The following GALNT5 variants were observed in gnomAD, a reference collection of about 807,000 sequenced individuals.
GALNT5 encodes the protein UDP-GalNAc:polypeptide N-acetylgalactosaminyltransferase 5.
GALNT5 carries 72 observed loss-of-function variants against 85.4 expected under a neutral mutation model. That is an observed-to-expected ratio of 0.84 (90% CI 0.70 to 1.03). The LOEUF (loss-of-function observed/expected upper bound fraction) is 1.03. Among genes scored for constraint, GALNT5 ranks in the 50% least tolerant of loss-of-function variants. The pLI is 0.00. For synonymous variants in GALNT5, 404 were observed against 397.0 expected, an observed-to-expected ratio of 1.02 and a Z score of -0.21; for missense variants, 1,137 against 1,135.5, an observed-to-expected ratio of 1.00 and a Z score of -0.02.
At chr2:157,299,235 C>T (rs1279190465) in intron 5 of GALNT5, 1 of 194,654 alleles carries the variant, frequency 5.1e-6, no homozygotes, top group Non-Finnish European at 1.1e-5. Flanking sequence ...ATAATACTTA[C>T]AATAGTGCCT....
intron 7 of GALNT5, chr2:157,302,472 C>G (rs960166547): frequency 1.3e-5 from 2 of 151,752 alleles, no homozygotes; most frequent in Non-Finnish European, 2.9e-5. Context: ...TTAAGTGGCT[C>G]AACCTGGTAA....
chr2:157,299,557 C>T lies in GALNT5; in HGVS notation c.2007C>T (p.Val669=), dbSNP rs1247824333. The T allele has an allele frequency of 6.2e-7, 1 of 1,603,846 alleles. No homozygotes were observed. Among genetic ancestry groups the T allele is most frequent in the Admixed American group, 1.7e-5 (1 of 59,702 alleles). The change falls in exon 6 of 10, where the codon GTC becomes GTT. Residue 669 remains valine, a synonymous_variant. Coordinates refer to ENST00000259056, the MANE Select transcript of GALNT5 (RefSeq NM_014568.3). ...IKETDTIRCP[V]MAGGLFSIDK... ...ACTTTTCTTTTTGTAGGTGCCCTGT[C>T]ATGGCTGGTGGATTGTTTTCTATTG...
Position 157,286,143 on chromosome 2 carries a change from T to C in GALNT5, c.1741+9T>C, listed in dbSNP as rs892217452. The stretch of plus-strand genomic sequence containing the variant: ...AGCACAGAATGCAACAGGTAAGAAG[T>C]TACTCATTTTTTTGTTTGTTACATT... On this transcript the variant is annotated intron_variant, in intron 3 of 9. Transcript: ENST00000259056. 6.2e-7 allele frequency: 1 copy of C among 1,600,482 alleles called. No homozygotes were observed. Among genetic ancestry groups the C allele is most frequent in the Admixed American group, 1.8e-5 (1 of 56,734 alleles).
chr2:157,258,245 A>G lies in GALNT5; in HGVS notation c.163A>G (p.Ile55Val). Residue 55 changes from isoleucine to valine, a missense_variant, in exon 1 of 10, where the codon ATA becomes GTA. By Grantham distance (29) the Ile-to-Val change is conservative. Coordinates refer to ENST00000259056, the MANE Select transcript of GALNT5 (RefSeq NM_014568.3). The stretch of plus-strand genomic sequence containing the variant: ...GGAAGACATTGTGAGGAGGGAGCGG[A>G]TAGGATTCAGAGTTCAGCCAGACCA... ...IKEDIVRRER[I>V]GFRVQPDQGK... is the part of the protein sequence containing the mutation. The G allele has an allele frequency of 3.1e-6, 5 of 1,612,632 alleles. No homozygotes were observed. The highest frequency in any genetic ancestry group is 4.2e-6 in the Non-Finnish European group (5 of 1,179,464).
In GALNT5 at chr2:157,308,645, G is replaced by A. The variant is rs879891376; in HGVS notation, c.2599G>A (p.Ala867Thr). The part of the protein sequence containing the change: ...WCIAPIPDKG[A>T]VRLHPCDNRN... ...TATAGCCCCCATCCCTGATAAAGGA[G>A]CCGTAAGGCTGCACCCTTGTGATAA... Residue 867 changes from alanine to threonine, a missense_variant, in exon 9 of 10, where the codon GCC becomes ACC. Transcript: ENST00000259056. 1 of 1,613,562 alleles carries A rather than the reference G, an allele frequency of 6.2e-7. No homozygotes were observed. Among genetic ancestry groups the A allele is most frequent in the Non-Finnish European group, 8.5e-7 (1 of 1,179,622 alleles).
intron 7 of GALNT5, 151 bp from the exon 8 acceptor site, chr2:157,305,598 C>A: frequency 1.7e-6 from 1 of 573,972 alleles, no homozygotes; most frequent in Non-Finnish European, 3.1e-6. Context: ...TTAGAGATAG[C>A]AACCAATAAA....
chr2:157,274,673 GTTGT>G (rs1027785529), intron 1 of GALNT5, among the ~76,000 whole-genome samples: 68 of 152,232 alleles, frequency 4.5e-4, no homozygotes, highest in African/African-American at 1.5e-3. Flanking sequence ...TTTTGATGGG[GTTGT>G]TTGTTTTTTT....
At chr2:157,291,609 T>C (rs768814435) in intron 3 of GALNT5, among the ~76,000 whole-genome samples, 39 of 150,570 alleles carry the variant, frequency 2.6e-4, no homozygotes, top group Middle Eastern at 3.2e-3. Context: ...TTTTGGCACA[T>C]TGAACAGTTT....
chr2:157,272,174 C>G lies in GALNT5; in HGVS notation c.1455-12108C>G, dbSNP rs189391967. 8.0e-3 allele frequency among the ~76,000 whole-genome samples: 1,210 copies of G among 151,938 alleles called. 19 individuals carry two copies. Among genetic ancestry groups the G allele is most frequent in the Non-Finnish European group, 6.8e-3 (465 of 67,936 alleles). On this transcript the variant is annotated intron_variant, in intron 1 of 9. Coordinates refer to ENST00000259056, the MANE Select transcript of GALNT5 (RefSeq NM_014568.3). ...TATCAATTACTGATTTTTTTTTCAA[C>G]TCTCAGCTCTATCTGTACCTACTCT...
At chr2:157,262,451 A>G (rs371504488) in intron 1 of GALNT5, among the ~76,000 whole-genome samples, 6 of 152,100 alleles carry the variant, frequency 3.9e-5, no homozygotes, top group African/African-American at 1.4e-4. Context: ...AGCCTGGGCA[A>G]TATAGTGAGA....
Position 157,296,384 on chromosome 2 carries a change from C to T in GALNT5, c.1878-10C>T. Reference sequence around the variant, plus strand: ...CCAGATAACACTTTGTTTTTCATTTCCTGGATTAGTTACATGACAGTGGAT... The same window carrying T: ...CCAGATAACACTTTGTTTTTCATTTTCTGGATTAGTTACATGACAGTGGAT... On this transcript the variant is annotated splice_polypyrimidine_tract_variant and intron_variant, in intron 4 of 9. Coordinates refer to ENST00000259056, the MANE Select transcript of GALNT5 (RefSeq NM_014568.3). 1 of 1,602,282 alleles carries T rather than the reference C, an allele frequency of 6.2e-7. No homozygotes were observed. Among genetic ancestry groups the T allele is most frequent in the Admixed American group, 1.7e-5 (1 of 59,466 alleles).
At chr2:157,297,953 A>G (rs1160170372) in intron 5 of GALNT5, among the ~76,000 whole-genome samples, 1 of 152,212 alleles carries the variant, frequency 6.6e-6, no homozygotes, top group Non-Finnish European at 1.5e-5. Context: ...AAGGTTACTT[A>G]TCATCTTGAG....
chr2:157,298,483 C>T (rs1402201832), intron 5 of GALNT5, among the ~76,000 whole-genome samples: 1 of 152,156 alleles, frequency 6.6e-6, no homozygotes, highest in African/African-American at 2.4e-5. Context: ...CAATTCACCG[C>T]AGCCTTTCAT....
chr2:157,278,768 T>G (rs1682793828), intron 1 of GALNT5, among the ~76,000 whole-genome samples: 1 of 152,170 alleles, frequency 6.6e-6, no homozygotes, highest in African/African-American at 2.4e-5. Context: ...ACATGCTCCT[T>G]TAGCTCAGAG....
chr2:157,264,162 A>C (rs1273870462), intron 1 of GALNT5, among the ~76,000 whole-genome samples: 2 of 142,716 alleles, frequency 1.4e-5, no homozygotes, highest in Non-Finnish European at 3.0e-5. Context: ...TGTCAGCAAC[A>C]ATCAACACAC....
At chr2:157,295,431 A>G (rs1367342447) in intron 3 of GALNT5, among the ~76,000 whole-genome samples, 1 of 152,048 alleles carries the variant, frequency 6.6e-6, no homozygotes, top group Non-Finnish European at 1.5e-5. Flanking sequence ...TAAATGGCTT[A>G]TCAATTTTTT....
At position 157,259,315 on chromosome 2, in the gene GALNT5, A is replaced by T. The variant is rs770849718; in HGVS notation, c.1233A>T (p.Lys411Asn). The T allele has an allele frequency of 5.0e-6, 8 of 1,590,268 alleles. No individual in the cohort carries two copies. The highest frequency in any genetic ancestry group is 6.8e-6 in the Non-Finnish European group (8 of 1,170,574). ...CAGAATACAACCAGAGTCATATAAA[A>T]GCCCTTTTACCTGAAGACAGTGGAA... ...PSTEYNQSHI[K>N]ALLPEDSGTH... The change falls in exon 1 of 10, where the codon AAA becomes AAT. Residue 411 changes from lysine to asparagine, a missense_variant. Coordinates refer to ENST00000259056, the MANE Select transcript of GALNT5 (RefSeq NM_014568.3).
intron 2 of GALNT5, among the ~76,000 whole-genome samples, chr2:157,285,551 TAAGA>T (rs1385488031): frequency 6.6e-6 from 1 of 151,996 alleles, no homozygotes; most frequent in Non-Finnish European, 1.5e-5. Context: ...GGCCATCTAA[TAAGA>T]GAGAAAAGGT....
At chr2:157,280,374 G>A (rs549600947) in intron 1 of GALNT5, among the ~76,000 whole-genome samples, 1 of 152,288 alleles carries the variant, frequency 6.6e-6, no homozygotes, top group East Asian at 1.9e-4. Flanking sequence ...AGGAGAAAGT[G>A]ATGTGAAGAC....
Sources: allele counts gnomAD v4.1 joint callset (sites outside exome capture counted in the v4.1 genomes callset), GRCh38; gene constraint gnomAD v4.1.1; transcripts MANE v1.5; gene names NCBI Gene and HGNC (gene_info 2026-07-23, HGNC 2026-07-21).